The following DYSF variants were observed in gnomAD, a reference collection of about 807,000 sequenced individuals.
DYSF encodes the protein dysferlin, also known as dystrophy-associated fer-1-like 1.
A neutral mutation model predicts 274.9 loss-of-function variants in DYSF; 212 were observed. That is an observed-to-expected ratio of 0.77 (90% CI 0.69 to 0.86). The LOEUF is 0.86. DYSF is among the 40% of genes least tolerant of loss of function. The pLI is 0.00. For synonymous variants in DYSF, 1,091 were observed against 1,078.7 expected (o/e 1.01, Z -0.22); for missense variants, 2,666 against 2,783.2 (o/e 0.96, Z 0.95).
Position 71,513,310 on chromosome 2 carries a change from A to G in DYSF, c.531A>G (p.Gly177=). The change falls in exon 6 of 56, where the codon GGA becomes GGG. Residue 177 remains glycine (G), a synonymous_variant. Coordinates refer to ENST00000410020, the MANE Select transcript of DYSF (RefSeq NM_001130987.2). ...GCACCATGGACACGAGATACTCTGGAAAGAAGTGGCCGGCCCCCACGGGTG... is the reference window on the plus strand; with the variant it reads ...GCACCATGGACACGAGATACTCTGGGAAGAAGTGGCCGGCCCCCACGGGTG... ...SDSTMDTRYS[G]KKWPAPTDTG... 1 of 1,551,566 alleles carries G rather than the reference A, an allele frequency of 6.4e-7. No individual in the cohort carries two copies. Among genetic ancestry groups the G allele is most frequent in the Non-Finnish European group, 8.7e-7 (1 of 1,146,920 alleles).
intron 12 of DYSF, among the ~76,000 whole-genome samples, chr2:71,523,418 G>A (rs6739877): frequency 0.79 from 120,754 of 152,076 alleles, 49,266 homozygotes; most frequent in African/African-American, 0.88. Context: ...GGTTTGTTAG[G>A]GGAGGCAGAA....
In DYSF at chr2:71,541,026, C is replaced by T. The variant is rs2089881374; in HGVS notation, c.1576+1787C>T. On this transcript the variant is annotated intron_variant, in intron 17 of 55. Coordinates refer to ENST00000410020, the MANE Select transcript of DYSF (RefSeq NM_001130987.2). ...CTTTTCCCTATATTTCGAAATGCTGCCTTTATCACCTACTAAATTCCTAAA... is the reference window on the plus strand; with the variant it reads ...CTTTTCCCTATATTTCGAAATGCTGTCTTTATCACCTACTAAATTCCTAAA... 2.0e-5 allele frequency among the ~76,000 whole-genome samples: 3 copies of T among 152,156 alleles called. No individual in the cohort carries two copies. The South Asian group carries it at 6.2e-4, about 32-fold the overall frequency.
intron 17 of DYSF, among the ~76,000 whole-genome samples, chr2:71,550,588 G>A (rs2090869691): frequency 6.6e-6 from 1 of 151,870 alleles, no homozygotes. Context: ...ATTGGCTGCA[G>A]GGCCTACAGT....
At chr2:71,560,336 T>G (rs2091644917) in intron 22 of DYSF, among the ~76,000 whole-genome samples, 1 of 150,232 alleles carries the variant, frequency 6.7e-6, no homozygotes, top group Non-Finnish European at 1.5e-5. Flanking sequence ...TAAATCACCC[T>G]GGTTGGCTCG....
intron 30 of DYSF, among the ~76,000 whole-genome samples, chr2:71,585,807 C>A (rs541298020): frequency 5.4e-4 from 82 of 152,186 alleles, no homozygotes; most frequent in African/African-American, 1.9e-3. Flanking sequence ...GTGGGACAAG[C>A]AGATGGGTGC....
In DYSF at chr2:71,551,605, A is replaced by AG. The variant is rs398123772; in HGVS notation, c.1696dup. 1 of 1,602,868 alleles carries AG rather than the reference A, an allele frequency of 6.2e-7. No individual in the cohort carries two copies. The highest frequency in any genetic ancestry group is 1.1e-5 in the South Asian group (1 of 88,412). ...CTCCTTGTGACCTGACCTCCCTGGC[A>AG]GGGGGAAGGTGTGGCTTATCGTGGC... On this transcript the variant is annotated splice_acceptor_variant, in intron 18 of 55. Transcript: ENST00000410020. LOFTEE classifies it high-confidence loss of function.
At chr2:71,502,984 G>T (rs1172521678) in intron 3 of DYSF, among the ~76,000 whole-genome samples, 2 of 152,080 alleles carry the variant, frequency 1.3e-5, no homozygotes, top group East Asian at 1.9e-4. Flanking sequence ...AGAAGGAAAG[G>T]TATCTCTTAT....
chr2:71,656,247 C>G lies in DYSF; in HGVS notation c.4712C>G (p.Thr1571Arg). Residue 1571 changes from threonine to arginine, a missense_variant, in exon 43 of 56, where the codon ACG (threonine) becomes AGG (arginine). By Grantham distance (71) the Thr-to-Arg change is moderately conservative. Coordinates refer to ENST00000410020, the MANE Select transcript of DYSF (RefSeq NM_001130987.2). ...ACCTTCAAGCTGTACCGGGGCAAGA[C>G]GCAGGAGGAGACAGAAGATCCATCT... ...CNTFKLYRGK[T>R]QEETEDPSVI... 1 of 1,614,160 alleles carries G rather than the reference C, an allele frequency of 6.2e-7. No individual in the cohort carries two copies. Among genetic ancestry groups the G allele is most frequent in the Non-Finnish European group, 8.5e-7 (1 of 1,180,046 alleles).
chr2:71,466,770 G>T lies in DYSF; in HGVS notation c.-73G>T. On this transcript the variant is annotated 5_prime_UTR_variant, in exon 1 of 56. Transcript: ENST00000410020. ...CTGCCTGGGAGCCGGGCGCTTGCTGGGTGGGTGCTCGGGCCCGGTGCTCCC... is the reference window on the plus strand; with the variant it reads ...CTGCCTGGGAGCCGGGCGCTTGCTGTGTGGGTGCTCGGGCCCGGTGCTCCC... 1 of 1,422,478 alleles carries T rather than the reference G, an allele frequency of 7.0e-7. No individual in the cohort carries two copies. The highest frequency in any genetic ancestry group is 9.3e-7 in the Non-Finnish European group (1 of 1,080,024). 88.1% of individuals were successfully genotyped at this position (1,422,478 alleles called of 1,614,324 possible).
At position 71,564,165 on chromosome 2, in the gene DYSF, C is replaced by T. The variant is rs989889776; in HGVS notation, c.2517C>T (p.Ala839=). 1 of 1,614,140 alleles carries T rather than the reference C, an allele frequency of 6.2e-7. No homozygotes were observed. The highest frequency in any genetic ancestry group is 1.3e-5 in the African/African-American group (1 of 74,948). ...AAGTCCTCTTCTCCCGGCGGGGTGC[C>T]AACTACTGTGGCAAGAATTGTGGGA... ...AHQVLFSRRG[A]NYCGKNCGKL... is the part of the protein sequence containing the mutation. The change falls in exon 24 of 56, where the codon GCC becomes GCT. Residue 839 remains alanine (A), a synonymous_variant. Transcript: ENST00000410020.
At chr2:71,494,602 T>C (rs1305983986) in intron 3 of DYSF, among the ~76,000 whole-genome samples, 1 of 152,216 alleles carries the variant, frequency 6.6e-6, no homozygotes, top group African/African-American at 2.4e-5. Flanking sequence ...GTGAGGCTCT[T>C]GTGGTCACAG....
chr2:71,586,876 G>A (rs886361786), intron 30 of DYSF, among the ~76,000 whole-genome samples: 10 of 152,094 alleles, frequency 6.6e-5, no homozygotes, highest in Non-Finnish European at 1.5e-4. Flanking sequence ...CATGTGTGTG[G>A]CCGGACTGAG....
At chr2:71,672,036 G>T (rs2095132976) in intron 51 of DYSF, among the ~76,000 whole-genome samples, 1 of 152,168 alleles carries the variant, frequency 6.6e-6, no homozygotes, top group Non-Finnish European at 1.5e-5. Flanking sequence ...GGCCAGAGGG[G>T]AAGGGACGTT....
At position 71,539,131 on chromosome 2, in the gene DYSF, A is replaced by G. The variant is rs200388006; in HGVS notation, c.1494-26A>G. On this transcript the variant is annotated intron_variant, in intron 16 of 55. Coordinates refer to ENST00000410020, the MANE Select transcript of DYSF (RefSeq NM_001130987.2). ...GGCCTGCAGTTCCTTTCCTGTGTTC[A>G]GGCCCTCTCTGCTCCCTTGCTCTAG... 17 of 1,607,074 alleles carry G rather than the reference A, an allele frequency of 1.1e-5. No individual in the cohort carries two copies. In the Admixed American group the frequency reaches 1.5e-4, roughly 14 times the overall value.
At chr2:71,601,740 A>C (rs2152860327) in intron 35 of DYSF, among the ~76,000 whole-genome samples, 1 of 152,334 alleles carries the variant, frequency 6.6e-6, no homozygotes, top group Admixed American at 6.5e-5. Flanking sequence ...GCGAAGTCCA[A>C]GAACCACAGA....
intron 31 of DYSF, 70 bp from the exon 32 acceptor site, chr2:71,590,141 C>T (rs2093216270): frequency 6.7e-6 from 10 of 1,492,828 alleles, no homozygotes; most frequent in East Asian, 2.3e-5. Flanking sequence ...GACTCCACCT[C>T]CCCCCGAGCC....
At chr2:71,594,312 A>G (rs1490498310) in intron 32 of DYSF, among the ~76,000 whole-genome samples, 2 of 152,176 alleles carry the variant, frequency 1.3e-5, no homozygotes, top group Non-Finnish European at 2.9e-5. Context: ...AGACGAGCTT[A>G]AGGAGGTGTT....
chr2:71,586,341 A>G (rs2152838561), intron 30 of DYSF, among the ~76,000 whole-genome samples: 1 of 152,168 alleles, frequency 6.6e-6, no homozygotes, highest in African/African-American at 2.4e-5. Flanking sequence ...AAAAATCCCC[A>G]TCTGTCTCCC....
Position 71,528,335 on chromosome 2 carries a change from T to C in DYSF, c.1314T>C (p.Phe438=), listed in dbSNP as rs762255707. The part of the protein sequence containing the change: ...DAVMDNVKQI[F]GFESNKKNLV... ...TGATGGACAACGTGAAACAGATCTTTGGCTTCGAGAGTAACAAGAAGAACT... is the reference window on the plus strand; with the variant it reads ...TGATGGACAACGTGAAACAGATCTTCGGCTTCGAGAGTAACAAGAAGAACT... The change falls in exon 14 of 56, where the codon TTT becomes TTC. Residue 438 remains phenylalanine, a synonymous_variant. Coordinates refer to ENST00000410020, the MANE Select transcript of DYSF (RefSeq NM_001130987.2). 22 of 1,614,178 alleles carry C rather than the reference T, an allele frequency of 1.4e-5. No homozygotes were observed. Among genetic ancestry groups the C allele is most frequent in the East Asian group, 2.2e-5 (1 of 44,888 alleles).
Sources: gnomAD v4.1 joint callset for allele counts (sites outside exome capture counted in the v4.1 genomes callset) on GRCh38, gnomAD v4.1.1 for gene constraint, MANE v1.5 for transcripts, NCBI Gene and HGNC (gene_info 2026-07-23, HGNC 2026-07-21) for gene names.